The following SGTB variants were observed in gnomAD, a reference collection of about 807,000 sequenced individuals.
SGTB encodes small glutamine-rich tetratricopeptide repeat-containing protein beta.
A neutral mutation model predicts 43.9 loss-of-function variants in SGTB; 19 were observed. The ratio of observed to expected loss-of-function variants is 0.43; its 90% confidence interval spans 0.30 to 0.63. SGTB has a LOEUF of 0.63. SGTB is among the 30% of genes least tolerant of loss of function. SGTB has a pLI of 0.12. For synonymous variants in SGTB, 116 were observed against 117.3 expected (o/e 0.99, Z 0.07); for missense variants, 304 against 358.9 (o/e 0.85, Z 1.24).
intron 5 of SGTB, among the ~76,000 whole-genome samples, chr5:65,692,265 T>C (rs992271230): frequency 5.3e-5 from 8 of 152,170 alleles, no homozygotes; most frequent in African/African-American, 1.9e-4. Flanking sequence ...AGGAGAAAGA[T>C]CATGAACAGA....
chr5:65,667,407 T>C lies in SGTB; in HGVS notation c.*2839A>G, dbSNP rs890484674. On this transcript the variant is annotated 3_prime_UTR_variant, in exon 11 of 11. Coordinates refer to ENST00000381007, the MANE Select transcript of SGTB (RefSeq NM_019072.3). ...TTCAACACTGAATATGAGTGACTAA[T>C]TTTTAATTAAGGATCTATTTTGCTT... The C allele has an allele frequency of 2.6e-5, 4 of 152,230 alleles. No individual in the cohort carries two copies. The highest frequency in any genetic ancestry group is 4.4e-5 in the Non-Finnish European group (3 of 68,024). The allele number at this position is 152,230 out of a possible 1,614,324, so 9.4% of individuals were successfully genotyped here.
chr5:65,671,560 T>A (rs1219158492), intron 10 of SGTB, among the ~76,000 whole-genome samples: 1 of 148,746 alleles, frequency 6.7e-6, no homozygotes, highest in African/African-American at 2.5e-5. Flanking sequence ...CCTGCCTTAT[T>A]GAGATGGTGC....
intron 5 of SGTB, among the ~76,000 whole-genome samples, chr5:65,690,235 T>C (rs1040322316): frequency 1.3e-5 from 2 of 152,048 alleles, no homozygotes; most frequent in East Asian, 1.9e-4. Flanking sequence ...GTCCAGGAGT[T>C]TGAGAACACC....
intron 5 of SGTB, among the ~76,000 whole-genome samples, chr5:65,687,311 T>C (rs1239349616): frequency 2.0e-5 from 3 of 152,218 alleles, no homozygotes; most frequent in Admixed American, 6.5e-5. Context: ...AAAGTTATGC[T>C]GTATAAGGAG....
intron 8 of SGTB, among the ~76,000 whole-genome samples, chr5:65,675,232 A>C (rs1485045667): frequency 6.6e-6 from 1 of 152,218 alleles, no homozygotes; most frequent in Non-Finnish European, 1.5e-5. Flanking sequence ...CAAACACATG[A>C]GATATCTATA....
chr5:65,668,167 G>A lies in SGTB; in HGVS notation c.*2079C>T, dbSNP rs566978795. On this transcript the variant is annotated 3_prime_UTR_variant, in exon 11 of 11. Transcript: ENST00000381007. ...GGGTTTCACCATGTTGGCCAGGCTG[G>A]TCTCAAACTCCTGACCTCAGGTGAT... The A allele has an allele frequency of 4.6e-5, 7 of 151,856 alleles. No individual in the cohort carries two copies. Among genetic ancestry groups the A allele is most frequent in the African/African-American group, 1.4e-4 (6 of 41,464 alleles). 9.4% of individuals were successfully genotyped at this position (151,856 alleles called of 1,614,324 possible).
intron 8 of SGTB, among the ~76,000 whole-genome samples, chr5:65,677,419 G>A (rs1299580215): frequency 2.7e-5 from 4 of 150,222 alleles, no homozygotes; most frequent in African/African-American, 9.8e-5. Flanking sequence ...ACAAAGAAGA[G>A]CTGGTACCGT....
Position 65,670,139 on chromosome 5 carries a change from A to G in SGTB, c.*107T>C. The stretch of plus-strand genomic sequence containing the variant: ...TTTTCCTCCATTATTTTCACACATC[A>G]GATATGGTGTTTGGTTTTTTGAAGG... On this transcript the variant is annotated 3_prime_UTR_variant, in exon 11 of 11. Transcript: ENST00000381007. 2.4e-6 allele frequency: 2 copies of G among 840,420 alleles called. No homozygotes were observed. Among genetic ancestry groups the G allele is most frequent in the Non-Finnish European group, 3.8e-6 (2 of 526,662 alleles). 52.1% of individuals were successfully genotyped at this position (840,420 alleles called of 1,614,324 possible). A position where few individuals can be genotyped will look rare whatever the true frequency, so the allele number is the denominator to read the frequency against.
chr5:65,695,033 T>TGAAA (rs4019068), intron 5 of SGTB, among the ~76,000 whole-genome samples: 97,003 of 151,332 alleles, frequency 0.64, 31,411 homozygotes, highest in African/African-American at 0.7. Flanking sequence ...TTGGAACTAC[T>TGAAA]GAAAGCAAGC....
intron 2 of SGTB, among the ~76,000 whole-genome samples, chr5:65,719,909 A>G (rs1024537591): frequency 6.6e-6 from 1 of 152,156 alleles, no homozygotes; most frequent in Non-Finnish European, 1.5e-5. Context: ...ACTTTTACAT[A>G]GTGCTATTAA....
intron 2 of SGTB, among the ~76,000 whole-genome samples, chr5:65,716,953 A>G (rs898827010): frequency 3.9e-5 from 6 of 152,146 alleles, no homozygotes; most frequent in Admixed American, 3.9e-4. Context: ...AAGAGGAACC[A>G]GAAAAGGGGA....
chr5:65,687,569 C>G (rs1757523414), intron 5 of SGTB, among the ~76,000 whole-genome samples: 1 of 152,156 alleles, frequency 6.6e-6, no homozygotes. Context: ...AGAGCAAGCT[C>G]CTTTTTCTAC....
chr5:65,709,150 A>T (rs2150721294), intron 3 of SGTB, among the ~76,000 whole-genome samples: 1 of 152,302 alleles, frequency 6.6e-6, no homozygotes, highest in African/African-American at 2.4e-5. Context: ...TTAGTATGTA[A>T]AGAATAGGAA....
chr5:65,711,350 C>G (rs1758043073), intron 3 of SGTB, among the ~76,000 whole-genome samples: 1 of 151,398 alleles, frequency 6.6e-6, no homozygotes, highest in South Asian at 2.1e-4. Context: ...ATTAGAGTTT[C>G]CTGAGAAGGA....
At chr5:65,704,539 T>C (rs536918611) in intron 4 of SGTB, among the ~76,000 whole-genome samples, 161 bp from the exon 5 acceptor site, 1 of 152,248 alleles carries the variant, frequency 6.6e-6, no homozygotes, top group Non-Finnish European at 1.5e-5. Context: ...ATAGAGTTGA[T>C]ATTATTTAGC....
chr5:65,694,182 C>A (rs1430162418), intron 5 of SGTB, among the ~76,000 whole-genome samples: 1 of 152,076 alleles, frequency 6.6e-6, no homozygotes, highest in East Asian at 1.9e-4. Flanking sequence ...GTAATCCCAG[C>A]ACTTTGGGAG....
At chr5:65,680,364 G>A in intron 8 of SGTB, 130 bp downstream of exon 8, 2 of 859,394 alleles carry the variant, frequency 2.3e-6, no homozygotes, top group African/African-American at 1.7e-5. Flanking sequence ...ACAGAACCCT[G>A]CTATAGCCTT....
intron 4 of SGTB, among the ~76,000 whole-genome samples, chr5:65,706,804 C>A (rs1306635971): frequency 6.6e-6 from 1 of 152,008 alleles, no homozygotes; most frequent in Non-Finnish European, 1.5e-5. Context: ...TGCACTCCAG[C>A]CTGGGCGACA....
At chr5:65,685,890 G>A (rs1757487796) in intron 5 of SGTB, among the ~76,000 whole-genome samples, 1 of 152,190 alleles carries the variant, frequency 6.6e-6, no homozygotes, top group South Asian at 2.1e-4. Flanking sequence ...TAAACGACAA[G>A]TAAAAGTGAT....
Sources: gnomAD v4.1 joint callset for allele counts (sites outside exome capture counted in the v4.1 genomes callset) on GRCh38, gnomAD v4.1.1 for gene constraint, MANE v1.5 for transcripts, NCBI Gene and HGNC (gene_info 2026-07-23, HGNC 2026-07-21) for gene names.